Variants in COL5A2 observed in about 807,000 individuals in gnomAD.
The protein encoded by COL5A2 is collagen alpha-2(V) chain.
Under a neutral mutation model 208.2 loss-of-function variants are expected in COL5A2, and 23 were observed. That is an observed-to-expected ratio of 0.11 (90% CI 0.08 to 0.16). COL5A2 has a LOEUF of 0.16. COL5A2 is among the 10% of genes least tolerant of loss of function. COL5A2 has a pLI of 1.00. For synonymous variants in COL5A2, 625 were observed against 628.5 expected (o/e 0.99, Z 0.08); for missense variants, 1,590 against 1,956.4 (o/e 0.81, Z 3.53).
At chr2:189,275,457 C>CTTTT in the COL5A2 span, among the ~76,000 whole-genome samples, 337 of 140,086 alleles carry the variant, frequency 2.4e-3, 4 homozygotes, top group Middle Eastern at 0.018. Context: ...TCTTTCTTTC[C>CTTTT]TTTTTTTTTT....
the COL5A2 span, among the ~76,000 whole-genome samples, chr2:189,340,553 T>C: frequency 6.6e-6 from 1 of 152,192 alleles, no homozygotes; most frequent in Admixed American, 6.5e-5. Context: ...CCTAGAATGG[T>C]GAGCTCTTTT....
At chr2:189,304,816 TA>T in the COL5A2 span, among the ~76,000 whole-genome samples, 1 of 152,330 alleles carries the variant, frequency 6.6e-6, no homozygotes, top group Non-Finnish European at 1.5e-5. Flanking sequence ...ATGAAGTAAA[TA>T]AAATTTAATC....
chr2:189,179,698 A>C lies in COL5A2; in HGVS notation c.-94T>G, dbSNP rs559587531. On this transcript the variant is annotated 5_prime_UTR_variant, in exon 1 of 54. Transcript: ENST00000374866. Reference sequence around the variant, plus strand: ...GAAGTCAGCTGTGGGCTCTTCTTTCAGCACCAGCCCCAGGGCAGCCTCTGC... The same window carrying C: ...GAAGTCAGCTGTGGGCTCTTCTTTCCGCACCAGCCCCAGGGCAGCCTCTGC... 20 of 1,542,930 alleles carry C rather than the reference A, an allele frequency of 1.3e-5. No individual in the cohort carries two copies. The East Asian group carries it at 2.0e-4, about 15-fold the overall frequency.
At chr2:189,136,072 G>A (rs1198126636) in intron 1 of COL5A2, among the ~76,000 whole-genome samples, 1 of 152,166 alleles carries the variant, frequency 6.6e-6, no homozygotes, top group Non-Finnish European at 1.5e-5. Context: ...AGTGGGATGG[G>A]ACTTACTGAG....
chr2:189,182,149 G>C (rs931542332), upstream of COL5A2, among the ~76,000 whole-genome samples: 1 of 152,164 alleles, frequency 6.6e-6, no homozygotes, highest in Non-Finnish European at 1.5e-5. Flanking sequence ...ATATGTGGTT[G>C]AATTCAGAAT....
At chr2:189,333,894 T>C in the COL5A2 span, among the ~76,000 whole-genome samples, 1 of 151,250 alleles carries the variant, frequency 6.6e-6, no homozygotes, top group Middle Eastern at 3.2e-3. Context: ...TCCTAGAAAC[T>C]GATACAGCAT....
the COL5A2 span, among the ~76,000 whole-genome samples, chr2:189,327,119 A>T: frequency 1.3e-4 from 20 of 151,588 alleles, no homozygotes; most frequent in African/African-American, 4.6e-4. Flanking sequence ...ATGAAAAAAT[A>T]AAAAAGTGAA....
chr2:189,217,061 A>G (rs766674745), intron 1 of COL5A2, among the ~76,000 whole-genome samples: 1 of 152,198 alleles, frequency 6.6e-6, no homozygotes, highest in African/African-American at 2.4e-5. Flanking sequence ...GATTTGATAA[A>G]ATAATTCTCA....
intron 1 of COL5A2, among the ~76,000 whole-genome samples, chr2:189,143,249 G>A (rs916038477): frequency 1.3e-5 from 2 of 152,144 alleles, no homozygotes; most frequent in African/African-American, 4.8e-5. Context: ...GTCATACTAT[G>A]AACCCTAGCT....
the COL5A2 span, among the ~76,000 whole-genome samples, chr2:189,266,332 A>G: frequency 2.6e-5 from 4 of 152,068 alleles, no homozygotes; most frequent in Middle Eastern, 6.3e-3. Flanking sequence ...AGGCTGAGGC[A>G]GGAGAATTGC....
intron 1 of COL5A2, among the ~76,000 whole-genome samples, chr2:189,215,616 C>T (rs1359865579): frequency 6.6e-6 from 1 of 151,872 alleles, no homozygotes; most frequent in Non-Finnish European, 1.5e-5. Flanking sequence ...TGATATCTCA[C>T]ATTACATATC....
chr2:189,355,525 A>G, the COL5A2 span, among the ~76,000 whole-genome samples: 318 of 151,928 alleles, frequency 2.1e-3, 3 homozygotes, highest in African/African-American at 6.6e-3. Context: ...ATCCTTTACC[A>G]TTATGTAATG....
At chr2:189,328,927 T>C in the COL5A2 span, among the ~76,000 whole-genome samples, 1 of 152,198 alleles carries the variant, frequency 6.6e-6, no homozygotes, top group Non-Finnish European at 1.5e-5. Flanking sequence ...CATTAATTAA[T>C]GTTGGGAAGT....
chr2:189,166,485 C>A (rs1003980597), intron 1 of COL5A2, among the ~76,000 whole-genome samples: 4 of 152,136 alleles, frequency 2.6e-5, no homozygotes, highest in Admixed American at 2.6e-4. Context: ...TACCATGGGG[C>A]AATTTTAGGG....
intron 1 of COL5A2, among the ~76,000 whole-genome samples, chr2:189,177,586 C>A (rs189400446): frequency 6.6e-6 from 1 of 152,194 alleles, no homozygotes; most frequent in Non-Finnish European, 1.5e-5. Flanking sequence ...GAATTTTTTA[C>A]AACACATATG....
intron 38 of COL5A2, 43 bp from the exon 39 acceptor site, chr2:189,053,061 T>C (rs377573632): frequency 3.9e-5 from 57 of 1,444,446 alleles, no homozygotes; most frequent in Non-Finnish European, 4.9e-5. Flanking sequence ...ATAAGACTTA[T>C]AGACAAATTA....
the COL5A2 span, among the ~76,000 whole-genome samples, chr2:189,342,514 T>TAATATATATGTATATATGC: frequency 2.9e-4 from 43 of 148,506 alleles, no homozygotes; most frequent in South Asian, 6.3e-4. Context: ...TATATACATA[T>TAATATATATGTATATATGC]ATATAAACCC....
intron 1 of COL5A2, among the ~76,000 whole-genome samples, chr2:189,154,408 G>A (rs527726979): frequency 6.6e-6 from 1 of 152,184 alleles, no homozygotes; most frequent in Non-Finnish European, 1.5e-5. Flanking sequence ...CATGACTCCT[G>A]CTTCTTCTTC....
chr2:189,189,843 C>A (rs1688901042), intron 1 of COL5A2, among the ~76,000 whole-genome samples: 1 of 151,982 alleles, frequency 6.6e-6, no homozygotes, highest in Admixed American at 6.6e-5. Flanking sequence ...AGTATATAAC[C>A]AAGTTTTTCA....
Sources: gnomAD v4.1 joint callset for allele counts (sites outside exome capture counted in the v4.1 genomes callset) on GRCh38, gnomAD v4.1.1 for gene constraint, MANE v1.5 for transcripts, NCBI Gene and HGNC (gene_info 2026-07-23, HGNC 2026-07-21) for gene names.